The following LNPK variants were observed in gnomAD, a reference collection of about 807,000 sequenced individuals.
LNPK encodes lunapark, ER junction formation factor.
A neutral mutation model predicts 55.2 loss-of-function variants in LNPK; 29 were observed. The ratio of observed to expected loss-of-function variants is 0.53; its 90% CI spans 0.39 to 0.72. The LOEUF is 0.72. Among genes scored for constraint, LNPK ranks in the 30% least tolerant of loss-of-function variants. LNPK has a pLI of 0.00. For synonymous variants in LNPK, 162 were observed against 168.2 expected (o/e 0.96, Z 0.29); for missense variants, 467 against 494.8 (o/e 0.94, Z 0.53).
chr2:175,995,499 G>T, intron 2 of LNPK, 59 bp downstream of exon 2: 16 of 1,361,744 alleles, frequency 1.2e-5, no homozygotes, highest in Non-Finnish European at 1.6e-5. Flanking sequence ...TTCACAAATA[G>T]CTTTATGTGA....
chr2:175,924,755 G>GC lies in LNPK; in HGVS notation c.*5211dup, dbSNP rs1192899353. 1.3e-5 allele frequency: 2 copies of GC among 152,178 alleles called. No homozygotes were observed. Among genetic ancestry groups the GC allele is most frequent in the Non-Finnish European group, 2.9e-5 (2 of 68,442 alleles). The allele number at this position is 152,178 out of a possible 1,614,324, so 9.4% of individuals were successfully genotyped here. The stretch of plus-strand genomic sequence containing the variant: ...TACAGTTCTGCAGGCTGTACTAGAA[G>GC]CATGGTGCCAGCCTCTGCTTGGCTT... On this transcript the variant is annotated 3_prime_UTR_variant, in exon 13 of 13. Coordinates refer to ENST00000272748, the MANE Select transcript of LNPK (RefSeq NM_030650.3).
At position 175,924,405 on chromosome 2, in the gene LNPK, T is replaced by A. The variant is rs1223070327; in HGVS notation, c.*5562A>T. The A allele has an allele frequency of 6.6e-6, 1 of 152,350 alleles. No homozygotes were observed. Among genetic ancestry groups the A allele is most frequent in the African/African-American group, 2.4e-5 (1 of 41,592 alleles). The allele number at this position is 152,350 out of a possible 1,614,324, so 9.4% of individuals were successfully genotyped here. On this transcript the variant is annotated 3_prime_UTR_variant, in exon 13 of 13. Transcript: ENST00000272748. ...AGAAGAAAGTTTTAAGACGATTAAGTAGTTGCTGTCCACTGGAAATAAAAG... is the reference window on the plus strand; with the variant it reads ...AGAAGAAAGTTTTAAGACGATTAAGAAGTTGCTGTCCACTGGAAATAAAAG...
intron 4 of LNPK, among the ~76,000 whole-genome samples, chr2:175,989,139 C>G (rs1208395729): frequency 6.6e-6 from 1 of 152,108 alleles, no homozygotes. Context: ...CAAAAGGTTA[C>G]AAATTATGTT....
chr2:175,972,069 C>T (rs192768811), intron 5 of LNPK, among the ~76,000 whole-genome samples: 2 of 152,186 alleles, frequency 1.3e-5, no homozygotes, highest in African/African-American at 4.8e-5. Flanking sequence ...GCGTGTACCA[C>T]CACACCAAGC....
rs1177574086 is a variant in LNPK, at chr2:175,932,193, C to T, written c.1055-1994G>A. The T allele has an allele frequency of 3.1e-5, 14 of 455,008 alleles. No individual in the cohort carries two copies. In the East Asian group the frequency reaches 4.2e-4, roughly 14 times the overall value. The allele number at this position is 455,008 out of a possible 1,614,324, so 28.2% of individuals were successfully genotyped here. The stretch of plus-strand genomic sequence containing the variant: ...ACAGGAGAGGTATCAAAATTCAAGG[C>T]TTGTCATATTAAAGTTTTGTGATGT... On this transcript the variant is annotated intron_variant, in intron 12 of 12. Coordinates refer to ENST00000272748, the MANE Select transcript of LNPK (RefSeq NM_030650.3).
chr2:175,933,957 T>C (rs1684415013), intron 12 of LNPK, among the ~76,000 whole-genome samples: 1 of 152,170 alleles, frequency 6.6e-6, no homozygotes, highest in Non-Finnish European at 1.5e-5. Context: ...GGTCTCGAAC[T>C]GACCTTGTGA....
At chr2:175,946,652 C>T (rs1426105115) in intron 9 of LNPK, among the ~76,000 whole-genome samples, 1 of 152,078 alleles carries the variant, frequency 6.6e-6, no homozygotes, top group Non-Finnish European at 1.5e-5. Flanking sequence ...TACCTGATAT[C>T]AGCTACTGCC....
chr2:175,934,638 G>T (rs1234547855), intron 12 of LNPK, among the ~76,000 whole-genome samples: 1 of 151,874 alleles, frequency 6.6e-6, no homozygotes, highest in African/African-American at 2.4e-5. Context: ...ACCATAAAAA[G>T]AATGCTTTTT....
intron 8 of LNPK, among the ~76,000 whole-genome samples, chr2:175,956,053 A>T (rs1162450965): frequency 9.9e-5 from 15 of 151,978 alleles, no homozygotes; most frequent in Admixed American, 9.8e-4. Flanking sequence ...GCCGAGGCTG[A>T]TGGATCGCTT....
At chr2:175,967,897 T>C (rs553582377) in intron 6 of LNPK, 222 of 346,232 alleles carry the variant, frequency 6.4e-4, no homozygotes, top group Non-Finnish European at 8.4e-4. Flanking sequence ...TTAAGAACTC[T>C]ATAGAGAATA....
At chr2:176,002,398 G>A (rs1011811620), upstream of LNPK, 38 of 355,248 alleles carry the variant, frequency 1.1e-4, no homozygotes, top group Non-Finnish European at 1.7e-4. Flanking sequence ...CGGGTCGGCC[G>A]GGAGGTTAGG....
At chr2:175,971,020 T>G (rs1686635626) in intron 5 of LNPK, among the ~76,000 whole-genome samples, 1 of 152,110 alleles carries the variant, frequency 6.6e-6, no homozygotes, top group Non-Finnish European at 1.5e-5. Context: ...GGTGAAAAAT[T>G]GACTTTACAT....
At chr2:175,976,350 G>A (rs1389751038) in intron 5 of LNPK, among the ~76,000 whole-genome samples, 2 of 152,178 alleles carry the variant, frequency 1.3e-5, no homozygotes, top group African/African-American at 4.8e-5. Flanking sequence ...TAATTTTGGA[G>A]GTAAAGATTA....
At chr2:175,970,434 T>C (rs1016871934) in intron 6 of LNPK, among the ~76,000 whole-genome samples, 1 of 152,112 alleles carries the variant, frequency 6.6e-6, no homozygotes, top group Non-Finnish European at 1.5e-5. Flanking sequence ...CGTGGAGATA[T>C]TTTGTCCTTT....
intron 9 of LNPK, among the ~76,000 whole-genome samples, chr2:175,946,180 A>C (rs1685113227): frequency 6.6e-6 from 1 of 152,174 alleles, no homozygotes; most frequent in Admixed American, 6.5e-5. Context: ...CATGTGCAAT[A>C]CAATTTTTAT....
Position 175,929,883 on chromosome 2 carries a change from A to C in LNPK, c.*84T>G. ...TACACAAGCATACCCTTAGAGGGGC[A>C]AAAAAAGTAAGTGCCACCGAAAAAG... On this transcript the variant is annotated 3_prime_UTR_variant, in exon 13 of 13. Transcript: ENST00000272748. 8.3e-6 allele frequency: 13 copies of C among 1,565,082 alleles called. No individual in the cohort carries two copies. Among genetic ancestry groups the C allele is most frequent in the Non-Finnish European group, 1.1e-5 (13 of 1,155,636 alleles).
intron 6 of LNPK, 56 bp from the exon 7 acceptor site, chr2:175,964,645 G>C (rs979392827): frequency 2.2e-6 from 2 of 905,774 alleles, no homozygotes; most frequent in East Asian, 4.8e-5. Flanking sequence ...CTACTTATTT[G>C]TATAAGTCCT....
rs920056163 is a variant in LNPK, at chr2:175,928,393, G to A, written c.*1574C>T. ...TTTTACAGATGAAAAAATAATCTCAGTGAGTTTATAGGTGACTTGCCCAAG... is the reference window on the plus strand; with the variant it reads ...TTTTACAGATGAAAAAATAATCTCAATGAGTTTATAGGTGACTTGCCCAAG... On this transcript the variant is annotated 3_prime_UTR_variant, in exon 13 of 13. Transcript: ENST00000272748. The A allele has an allele frequency of 1.7e-4, 25 of 151,322 alleles. No homozygotes were observed. The highest frequency in any genetic ancestry group is 5.6e-4 in the African/African-American group (23 of 41,128). 9.4% of individuals were successfully genotyped at this position (151,322 alleles called of 1,614,324 possible).
intron 8 of LNPK, among the ~76,000 whole-genome samples, chr2:175,955,972 T>C (rs1379762392): frequency 1.3e-5 from 2 of 151,962 alleles, no homozygotes; most frequent in Admixed American, 6.6e-5. Flanking sequence ...TAGAAAACAA[T>C]AGGAGGGTCA....
Sources: allele counts gnomAD v4.1 joint callset (sites outside exome capture counted in the v4.1 genomes callset), GRCh38; gene constraint gnomAD v4.1.1; transcripts MANE v1.5; gene names NCBI Gene and HGNC (gene_info 2026-07-23, HGNC 2026-07-21).